TTC39B: variants seen among roughly 807,000 people sequenced by gnomAD.
TTC39B encodes tetratricopeptide repeat protein 39B.
TTC39B carries 92 observed loss-of-function variants against 96.6 expected under a neutral mutation model. The observed-to-expected ratio is 0.95, with a 90% CI of 0.80 to 1.13. The LOEUF (loss-of-function observed/expected upper bound fraction) is 1.13. TTC39B is among the 50% of genes most tolerant of loss of function. The probability of loss-of-function intolerance (pLI) is 0.00; values close to 1 mark genes in which losing one functional copy is unlikely to be tolerated. For synonymous variants in TTC39B, 367 were observed against 299.4 expected (o/e 1.23, Z -2.33); for missense variants, 955 against 809.3 (o/e 1.18, Z -2.18).
intron 4 of TTC39B, among the ~76,000 whole-genome samples, chr9:15,212,463 T>C (rs1358064240): frequency 1.3e-5 from 2 of 152,234 alleles, no homozygotes; most frequent in East Asian, 1.9e-4. Context: ...TTCGCTCTTG[T>C]TGCCCAGGCT....
chr9:15,246,993 A>G (rs1195120825), intron 2 of TTC39B, among the ~76,000 whole-genome samples: 1 of 152,286 alleles, frequency 6.6e-6, no homozygotes, highest in Non-Finnish European at 1.5e-5. Flanking sequence ...GAATAACATT[A>G]CTGCATCATG....
intron 1 of TTC39B, among the ~76,000 whole-genome samples, chr9:15,292,371 C>T (rs1221658062): frequency 2.6e-5 from 4 of 152,020 alleles, no homozygotes; most frequent in East Asian, 1.9e-4. Context: ...GTGGTGATGC[C>T]GGTATAAACA....
intron 3 of TTC39B, 57 bp from the exon 4 acceptor site, chr9:15,214,306 T>A: frequency 1.5e-6 from 2 of 1,304,176 alleles, no homozygotes; most frequent in Non-Finnish European, 2.2e-6. Flanking sequence ...CAGCAAGTTG[T>A]CCGAAGGGAG....
At chr9:15,178,662 C>T (rs1287855980) in intron 17 of TTC39B, among the ~76,000 whole-genome samples, 1 of 152,158 alleles carries the variant, frequency 6.6e-6, no homozygotes, top group African/African-American at 2.4e-5. Context: ...TTAAAATATT[C>T]TTCAGGTGGT....
At chr9:15,194,201 A>T (rs1209723475) in intron 8 of TTC39B, among the ~76,000 whole-genome samples, 1 of 152,238 alleles carries the variant, frequency 6.6e-6, no homozygotes, top group Non-Finnish European at 1.5e-5. Context: ...GTGAAAAAAT[A>T]AAAAACAAAA....
At chr9:15,184,683 T>C (rs2118669570) in intron 16 of TTC39B, among the ~76,000 whole-genome samples, 1 of 152,338 alleles carries the variant, frequency 6.6e-6, no homozygotes, top group South Asian at 2.1e-4. Flanking sequence ...AGCAGCCAGT[T>C]ATGGCTCTTG....
At chr9:15,194,822 A>G (rs1819062905) in intron 8 of TTC39B, among the ~76,000 whole-genome samples, 1 of 152,188 alleles carries the variant, frequency 6.6e-6, no homozygotes. Context: ...AAAGTTATCA[A>G]TAAATGTTGT....
At chr9:15,193,564 A>G (rs1156832674) in intron 8 of TTC39B, among the ~76,000 whole-genome samples, 2 of 152,228 alleles carry the variant, frequency 1.3e-5, no homozygotes, top group Admixed American at 1.3e-4. Context: ...GTAAGGGTTT[A>G]GAGAGTCAAT....
At chr9:15,271,431 A>T (rs954795207) in intron 1 of TTC39B, among the ~76,000 whole-genome samples, 8 of 152,220 alleles carry the variant, frequency 5.3e-5, no homozygotes, top group African/African-American at 1.7e-4. Flanking sequence ...ATTTTTCCAC[A>T]GATGATGGGG....
chr9:15,272,726 C>T (rs186514227), intron 1 of TTC39B, among the ~76,000 whole-genome samples: 47 of 152,162 alleles, frequency 3.1e-4, no homozygotes, highest in Admixed American at 9.2e-4. Context: ...TGCTTTCCAG[C>T]CCAGCACAGT....
intron 1 of TTC39B, among the ~76,000 whole-genome samples, chr9:15,272,993 A>C (rs1333030081): frequency 1.3e-5 from 2 of 152,212 alleles, no homozygotes; most frequent in Non-Finnish European, 2.9e-5. Context: ...CTGATCGTAG[A>C]ACTGACACAG....
intron 18 of TTC39B, among the ~76,000 whole-genome samples, chr9:15,177,446 A>C (rs771636227): frequency 1.6e-4 from 25 of 152,366 alleles, no homozygotes; most frequent in Admixed American, 1.4e-3. Context: ...GACACCTGTT[A>C]GTTGAGCTAT....
Position 15,203,827 on chromosome 9 carries a change from A to C in TTC39B, c.755T>G (p.Val252Gly), listed in dbSNP as rs773256838. 3.7e-6 allele frequency: 6 copies of C among 1,612,564 alleles called. No homozygotes were observed. In the East Asian group the frequency reaches 1.3e-4, roughly 36 times the overall value. ...TCCAAGCCAAATATTCATTACCTGC[A>C]CAAACGTGAGTGCAGCTTTCTGTAG... Residue 252 changes from valine (V) to glycine (G), a missense_variant, in exon 7 of 20, where the codon GTG becomes GGG. Transcript: ENST00000512701.
At chr9:15,172,146 T>C (rs1050835998) in intron 19 of TTC39B, 37 bp from the exon 20 acceptor site, 1 of 1,492,584 alleles carries the variant, frequency 6.7e-7, no homozygotes, top group African/African-American at 1.4e-5. Flanking sequence ...CAGTCAAAAT[T>C]TCCTTATATA....
intron 14 of TTC39B, 113 bp from the exon 15 acceptor site, chr9:15,187,148 G>A (rs1380020000): frequency 3.0e-6 from 2 of 677,754 alleles, no homozygotes; most frequent in Non-Finnish European, 4.9e-6. Context: ...AGGCATTAAA[G>A]AAATCAGAGG....
Position 15,267,910 on chromosome 9 carries a change from T to C in TTC39B, c.275+4A>G, listed in dbSNP as rs1284670406. The C allele has an allele frequency of 6.2e-7, 1 of 1,608,120 alleles. No individual in the cohort carries two copies. The highest frequency in any genetic ancestry group is 1.7e-5 in the Admixed American group (1 of 59,702). ...TACATACTTTTTATTATGTTATTACTTACATTGAGATGGTTTCCAAGGCAT... is the reference window on the plus strand; with the variant it reads ...TACATACTTTTTATTATGTTATTACCTACATTGAGATGGTTTCCAAGGCAT... On this transcript the variant is annotated splice_donor_region_variant and intron_variant, in intron 2 of 19. Coordinates refer to ENST00000512701, the Ensembl canonical transcript of TTC39B.
At chr9:15,252,409 G>A (rs983714937) in intron 2 of TTC39B, among the ~76,000 whole-genome samples, 4 of 152,184 alleles carry the variant, frequency 2.6e-5, no homozygotes, top group Non-Finnish European at 2.9e-5. Flanking sequence ...AGCACTTTGG[G>A]AGGCCGAGAC....
intron 2 of TTC39B, among the ~76,000 whole-genome samples, chr9:15,265,182 G>C (rs769864958): frequency 1.3e-5 from 2 of 148,164 alleles, no homozygotes; most frequent in Non-Finnish European, 2.9e-5. Context: ...TCTGTGGTTT[G>C]ATTTTTTTAA....
intron 17 of TTC39B, among the ~76,000 whole-genome samples, chr9:15,178,620 A>T (rs1818087396): frequency 6.6e-6 from 1 of 152,234 alleles, no homozygotes; most frequent in African/African-American, 2.4e-5. Flanking sequence ...ATATCAGAAC[A>T]TCATTTTATT....
Sources: allele counts gnomAD v4.1 joint callset (sites outside exome capture counted in the v4.1 genomes callset), GRCh38; gene constraint gnomAD v4.1.1; transcripts MANE v1.5; gene names NCBI Gene and HGNC (gene_info 2026-07-23, HGNC 2026-07-21).